CLASP1: variants seen among roughly 807,000 people sequenced by gnomAD.
The protein encoded by CLASP1 is cytoplasmic linker associated protein 1.
Under a neutral mutation model 192.3 loss-of-function variants are expected in CLASP1, and 38 were observed. The observed-to-expected ratio is 0.20, with a 90% CI of 0.15 to 0.26. CLASP1 has a LOEUF of 0.26. CLASP1 is among the 10% of genes least tolerant of loss of function. The pLI is 1.00. For missense variants in CLASP1, 1,433 were observed against 1,932.5 expected (o/e 0.74, Z 4.85); for synonymous variants, 691 against 712.8 (o/e 0.97, Z 0.49).
chr2:121,642,534 C>G (rs950567568), intron 1 of CLASP1, among the ~76,000 whole-genome samples: 1 of 151,782 alleles, frequency 6.6e-6, no homozygotes, highest in Non-Finnish European at 1.5e-5. Context: ...GAGTTCGAGA[C>G]CAGCCTGGCC....
chr2:121,500,310 AAGAG>A (rs556810612), intron 8 of CLASP1, among the ~76,000 whole-genome samples: 8 of 150,342 alleles, frequency 5.3e-5, no homozygotes, highest in African/African-American at 7.4e-5. Context: ...GAGAGACAGA[AAGAG>A]AGAGAGGAAG....
chr2:121,441,212 C>T lies in CLASP1; in HGVS notation c.1912+6125G>A, dbSNP rs564869582. Among the ~76,000 whole-genome samples the T allele has an allele frequency of 7.2e-5, 11 of 152,296 alleles. No homozygotes were observed. In the East Asian group the frequency reaches 2.1e-3, roughly 29 times the overall value. ...TCCCTACGTGTTTCAAATTTTCTAG[C>T]AAATTCCCAAATTACAGATTATAAA... On this transcript the variant is annotated intron_variant, in intron 19 of 39. Coordinates refer to ENST00000263710, the Ensembl canonical transcript of CLASP1.
chr2:121,360,429 A>G (rs2066161036), intron 37 of CLASP1, among the ~76,000 whole-genome samples: 1 of 151,742 alleles, frequency 6.6e-6, no homozygotes, highest in South Asian at 2.1e-4. Context: ...GAATGCAATG[A>G]TAAGAAAATG....
At chr2:121,527,920 GGAGAA>G in intron 4 of CLASP1, 30 bp from the exon 5 acceptor site, 1 of 1,561,682 alleles carries the variant, frequency 6.4e-7, no homozygotes. Context: ...GGTGAGGAAA[GGAGAA>G]GACTGCTGCA....
chr2:121,370,895 C>A (rs1402962996), intron 34 of CLASP1, among the ~76,000 whole-genome samples: 1 of 152,174 alleles, frequency 6.6e-6, no homozygotes, highest in Non-Finnish European at 1.5e-5. Context: ...CAGAAACCAT[C>A]TAAATATACT....
At chr2:121,497,526 AT>A (rs2093581575) in intron 8 of CLASP1, among the ~76,000 whole-genome samples, 1 of 152,240 alleles carries the variant, frequency 6.6e-6, no homozygotes, top group Non-Finnish European at 1.5e-5. Context: ...AAAATGTGAT[AT>A]AGCTAATAAA....
chr2:121,430,622 C>CA (rs1038390454), intron 19 of CLASP1, among the ~76,000 whole-genome samples: 46 of 149,862 alleles, frequency 3.1e-4, no homozygotes, highest in South Asian at 1.5e-3. Context: ...AGAGTAATAC[C>CA]AAAAAAAAAC....
At chr2:121,606,970 C>T (rs562316965) in intron 1 of CLASP1, among the ~76,000 whole-genome samples, 1 of 151,804 alleles carries the variant, frequency 6.6e-6, no homozygotes, top group Non-Finnish European at 1.5e-5. Flanking sequence ...GCAGGAGAAT[C>T]GCTTAAACTC....
intron 1 of CLASP1, among the ~76,000 whole-genome samples, chr2:121,615,358 A>AT (rs57678247): frequency 6.6e-6 from 1 of 152,186 alleles, no homozygotes; most frequent in East Asian, 1.9e-4. Flanking sequence ...CAAAAAAAAA[A>AT]TAGTTACAGC....
At chr2:121,446,229 C>T (rs1574926400) in intron 19 of CLASP1, among the ~76,000 whole-genome samples, 1 of 152,176 alleles carries the variant, frequency 6.6e-6, no homozygotes, top group Non-Finnish European at 1.5e-5. Flanking sequence ...CTTTCTTCCA[C>T]CTTACAGAAC....
At chr2:121,398,447 A>G (rs1443738601) in intron 28 of CLASP1, 47 bp from the exon 30 acceptor site, 2 of 1,196,192 alleles carry the variant, frequency 1.7e-6, no homozygotes, top group South Asian at 1.4e-5. Flanking sequence ...AATTTATTAC[A>G]AAACAATGTA....
chr2:121,381,984 A>G (rs2071786485), intron 33 of CLASP1, among the ~76,000 whole-genome samples: 1 of 152,110 alleles, frequency 6.6e-6, no homozygotes, highest in African/African-American at 2.4e-5. Context: ...ATCAGCTTAT[A>G]AAGGGTCATC....
intron 37 of CLASP1, among the ~76,000 whole-genome samples, chr2:121,354,404 G>A (rs1001529202): frequency 3.3e-5 from 5 of 152,180 alleles, no homozygotes; most frequent in Admixed American, 2.6e-4. Flanking sequence ...CAGACGGGGC[G>A]CTTTTCTTCC....
intron 1 of CLASP1, among the ~76,000 whole-genome samples, chr2:121,635,218 AAAAG>A (rs2070602833): frequency 6.7e-6 from 1 of 148,290 alleles, no homozygotes; most frequent in Non-Finnish European, 1.5e-5. Context: ...GTAAAAAAAA[AAAAG>A]AAAAGAAAAG....
At chr2:121,648,708 G>A (rs534067775) in intron 1 of CLASP1, among the ~76,000 whole-genome samples, 44 of 152,282 alleles carry the variant, frequency 2.9e-4, no homozygotes, top group Non-Finnish European at 6.0e-4. Context: ...GAACAACAAA[G>A]GCAAGTTGAG....
At chr2:121,609,665 G>A (rs895346212) in intron 1 of CLASP1, among the ~76,000 whole-genome samples, 26 of 152,148 alleles carry the variant, frequency 1.7e-4, no homozygotes, top group Admixed American at 4.6e-4. Flanking sequence ...AGTAATGGCC[G>A]GGCGCAGTGG....
At chr2:121,530,765 G>C (rs935423965) in intron 2 of CLASP1, 3 of 545,570 alleles carry the variant, frequency 5.5e-6, no homozygotes, top group Non-Finnish European at 9.9e-6. Context: ...CGAAAGCTGT[G>C]GAGGCTGGAG....
intron 6 of CLASP1, among the ~76,000 whole-genome samples, chr2:121,521,342 A>C (rs1391274568): frequency 6.6e-6 from 1 of 152,100 alleles, no homozygotes; most frequent in Non-Finnish European, 1.5e-5. Context: ...ACCTTTCGAT[A>C]TGAAAGTTGA....
chr2:121,472,052 A>G (rs1359499617), intron 8 of CLASP1, among the ~76,000 whole-genome samples: 4 of 152,202 alleles, frequency 2.6e-5, no homozygotes, highest in Non-Finnish European at 5.9e-5. Context: ...TCATTATTCT[A>G]CTACCTTAAA....
Sources: allele counts gnomAD v4.1 joint callset (sites outside exome capture counted in the v4.1 genomes callset), GRCh38; gene constraint gnomAD v4.1.1; transcripts MANE v1.5; gene names NCBI Gene and HGNC (gene_info 2026-07-23, HGNC 2026-07-21).